XPOT: variants seen among roughly 807,000 people sequenced by gnomAD.
XPOT encodes the protein exportin-T.
Under a neutral mutation model 128.2 loss-of-function variants are expected in XPOT, and 34 were observed. The ratio of observed to expected loss-of-function variants is 0.27; its 90% confidence interval spans 0.20 to 0.35. The LOEUF (loss-of-function observed/expected upper bound fraction) is 0.35, where lower values mean the gene tolerates loss of function less well. Among genes scored for constraint, XPOT ranks in the 10% least tolerant of loss-of-function variants. The probability of loss-of-function intolerance (pLI) is 1.00; values close to 1 mark genes in which losing one functional copy is unlikely to be tolerated. For synonymous variants in XPOT, 348 were observed against 394.3 expected, an observed-to-expected ratio of 0.88 and a Z score of 1.39; for missense variants, 838 against 1,125.3, an observed-to-expected ratio of 0.74 and a Z score of 3.65.
Position 64,415,626 on chromosome 12 carries a change from G to A in XPOT, c.143+637G>A, listed in dbSNP as rs559221782. On this transcript the variant is annotated intron_variant, in intron 3 of 24. Coordinates refer to ENST00000332707, the MANE Select transcript of XPOT (RefSeq NM_007235.6). Reference sequence around the variant, plus strand: ...GATCTCCTGACCTTGTGATCCGCCCGTCTCGGCCTTCCAAAGTGCTGGGAT... The same window carrying A: ...GATCTCCTGACCTTGTGATCCGCCCATCTCGGCCTTCCAAAGTGCTGGGAT... Among the ~76,000 whole-genome samples the A allele has an allele frequency of 3.4e-4, 51 of 152,194 alleles. 1 individual carries two copies. The highest frequency in any genetic ancestry group is 1.2e-3 in the Admixed American group (19 of 15,288).
intron 20 of XPOT, 42 bp from the exon 21 acceptor site, chr12:64,434,752 T>C (rs779855180): frequency 6.3e-7 from 1 of 1,589,790 alleles, no homozygotes; most frequent in South Asian, 1.1e-5. Flanking sequence ...ATTAATTGAC[T>C]TACTTTTATA....
chr12:64,415,367 T>TTTA (rs774271753), intron 3 of XPOT, among the ~76,000 whole-genome samples: 2 of 151,152 alleles, frequency 1.3e-5, no homozygotes, highest in South Asian at 4.2e-4. Context: ...ATTTATTTAT[T>TTTA]TTATTATTAT....
intron 2 of XPOT, among the ~76,000 whole-genome samples, chr12:64,410,346 T>C (rs569052227): frequency 6.6e-6 from 1 of 152,360 alleles, no homozygotes; most frequent in South Asian, 2.1e-4. Flanking sequence ...CATCAGTCAT[T>C]ATTTCTAATT....
intron 24 of XPOT, among the ~76,000 whole-genome samples, chr12:64,447,721 G>C (rs899319780): frequency 6.6e-6 from 1 of 151,966 alleles, no homozygotes; most frequent in Non-Finnish European, 1.5e-5. Context: ...TTCAGGCCTC[G>C]GCCTCCCAAA....
In XPOT at chr12:64,428,117, A is replaced by C. The variant is rs1161243006; in HGVS notation, c.1734A>C (p.Pro578=). ...TACAAGATTTATTAGAGCTTTCTCC[A>C]CCTGTAAGTATCTGTCTCTTTAAGA... ...NRIQDLLELS[P]PENGHQSLLS... The change falls in exon 16 of 25, where the codon CCA becomes CCC. Residue 578 remains proline, a synonymous_variant. Coordinates refer to ENST00000332707, the MANE Select transcript of XPOT (RefSeq NM_007235.6). 1.9e-6 allele frequency: 3 copies of C among 1,541,740 alleles called. No individual in the cohort carries two copies. The highest frequency in any genetic ancestry group is 2.7e-6 in the Non-Finnish European group (3 of 1,117,130).
intron 19 of XPOT, 87 bp from the exon 20 acceptor site, chr12:64,434,420 A>G: frequency 1.2e-6 from 1 of 817,588 alleles, no homozygotes; most frequent in African/African-American, 1.7e-5. Context: ...ATGATTTTTG[A>G]CTTGTTAATG....
At chr12:64,416,445 G>A (rs2040088146) in intron 3 of XPOT, among the ~76,000 whole-genome samples, 2 of 152,154 alleles carry the variant, frequency 1.3e-5, no homozygotes, top group African/African-American at 2.4e-5. Flanking sequence ...TGTATTCAAG[G>A]TGCATCTTAA....
rs1186115218 is a variant in XPOT at position 64,450,898 on chromosome 12, T to C, written c.*2767T>C. 11 of 152,246 alleles carry C rather than the reference T, an allele frequency of 7.2e-5. No individual in the cohort carries two copies. The highest frequency in any genetic ancestry group is 6.5e-4 in the Admixed American group (10 of 15,288). 9.4% of individuals were successfully genotyped at this position (152,246 alleles called of 1,614,324 possible). A position where few individuals can be genotyped will look rare whatever the true frequency, so the allele number is the denominator to read the frequency against. On this transcript the variant is annotated 3_prime_UTR_variant, in exon 25 of 25. Transcript: ENST00000332707. ...AAGAAAACACTGTGTGGTATTTTAA[T>C]GTGGTAAACATGTGAATGAAGGCCT...
intron 2 of XPOT, among the ~76,000 whole-genome samples, chr12:64,410,786 T>C (rs1289235946): frequency 6.6e-6 from 1 of 152,162 alleles, no homozygotes; most frequent in Non-Finnish European, 1.5e-5. Context: ...AGCCTACAAC[T>C]ATAATCATGA....
rs1231179419 is a variant in XPOT, at chr12:64,410,093, A to C, written c.58A>C (p.Arg20=). The C allele has an allele frequency of 1.2e-6, 2 of 1,613,540 alleles. No homozygotes were observed. Among genetic ancestry groups the C allele is most frequent in the Non-Finnish European group, 1.7e-6 (2 of 1,179,870 alleles). The part of the protein sequence containing the change: ...NPNADSDFRQ[R]ALAYFEQLKI... ...AAATGCTGATTCAGACTTTAGACAA[A>C]GGGTAAGTTACTCTGCTGAATCATT... The change falls in exon 2 of 25, where the codon AGG becomes CGG. Residue 20 remains arginine, a splice_region_variant and synonymous_variant. Transcript: ENST00000332707.
intron 18 of XPOT, among the ~76,000 whole-genome samples, chr12:64,432,053 T>C (rs923781262): frequency 6.6e-6 from 1 of 152,154 alleles, no homozygotes; most frequent in Non-Finnish European, 1.5e-5. Flanking sequence ...CCGCTTTGTG[T>C]AGCAAAAGAA....
chr12:64,438,913 G>A (rs957739128), intron 22 of XPOT, among the ~76,000 whole-genome samples: 1 of 152,168 alleles, frequency 6.6e-6, no homozygotes, highest in African/African-American at 2.4e-5. Context: ...ACAGGCATGA[G>A]CCACTGCACC....
At chr12:64,438,566 A>G (rs2040300573) in intron 22 of XPOT, among the ~76,000 whole-genome samples, 1 of 152,170 alleles carries the variant, frequency 6.6e-6, no homozygotes, top group East Asian at 1.9e-4. Context: ...CAGAAGCACT[A>G]ATATTAAACA....
rs58914823 is a variant in XPOT, at chr12:64,437,184, G to A, written c.2733+1510G>A. ...TTCTATACTTGCTACCTGCTAGGGT[G>A]GGGTAGGTGTGTGTTTAGGGACAGC... is the stretch of plus-strand genomic sequence containing the variant. On this transcript the variant is annotated intron_variant, in intron 22 of 24. Coordinates refer to ENST00000332707, the MANE Select transcript of XPOT (RefSeq NM_007235.6). 7.8e-3 allele frequency among the ~76,000 whole-genome samples: 1,185 copies of A among 152,274 alleles called. 15 individuals are homozygous for A. The highest frequency in any genetic ancestry group is 0.027 in the African/African-American group (1,119 of 41,546).
chr12:64,416,789 C>A (rs753108141), intron 4 of XPOT, 35 bp downstream of exon 4: 1 of 1,543,018 alleles, frequency 6.5e-7, no homozygotes, highest in Non-Finnish European at 8.9e-7. Context: ...CTCAGATTTG[C>A]GGGGAGAGGT....
intron 1 of XPOT, among the ~76,000 whole-genome samples, chr12:64,407,499 A>AT (rs2136007514): frequency 6.6e-6 from 1 of 151,798 alleles, no homozygotes; most frequent in Admixed American, 6.6e-5. Context: ...AAAAAAAAAA[A>AT]GATTAATGAG....
chr12:64,411,247 C>T (rs2136011335), intron 2 of XPOT, among the ~76,000 whole-genome samples: 1 of 152,320 alleles, frequency 6.6e-6, no homozygotes, highest in South Asian at 2.1e-4. Context: ...ATGCTACCTA[C>T]CTTCAAACAT....
chr12:64,425,872 A>G lies in XPOT; in HGVS notation c.1630A>G (p.Thr544Ala), dbSNP rs2040188118. The change falls in exon 15 of 25, where the codon ACG becomes GCG. Residue 544 changes from threonine (T) to alanine (A), a missense_variant. Physicochemically the swap from Thr to Ala is moderately conservative, Grantham distance 58. Transcript: ENST00000332707. ...RHSSAKVRSR[T>A]AYLFSRFVKS... is the part of the protein sequence containing the mutation. ...TTCCAGTGCAAAAGTTCGGAGCAGG[A>G]CGGCTTACCTGTTTTCTAGATTTGT... 1.2e-6 allele frequency: 2 copies of G among 1,614,062 alleles called. No individual in the cohort carries two copies. Among genetic ancestry groups the G allele is most frequent in the Admixed American group, 3.3e-5 (2 of 59,998 alleles).
chr12:64,420,188 G>A lies in XPOT; in HGVS notation c.608G>A (p.Cys203Tyr). Reference protein sequence around the residue: ...NYQFTNSEVTCQCLEVVGAYV... With the variant: ...NYQFTNSEVTYQCLEVVGAYV... ...CAGTTTACTAATTCTGAAGTGACGTGTCAGTGCCTTGAAGTAGTTGGGGCT... is the reference window on the plus strand; with the variant it reads ...CAGTTTACTAATTCTGAAGTGACGTATCAGTGCCTTGAAGTAGTTGGGGCT... Residue 203 changes from cysteine (C) to tyrosine (Y), a missense_variant, in exon 7 of 25, where the codon TGT (cysteine) becomes TAT (tyrosine). Around this residue, in one of 3 missense-constraint regions of XPOT, gnomAD observed 761 missense variants for 988.3 expected, o/e 0.77. Coordinates refer to ENST00000332707, the MANE Select transcript of XPOT (RefSeq NM_007235.6). 1.9e-6 allele frequency: 3 copies of A among 1,612,542 alleles called. No homozygotes were observed. The highest frequency in any genetic ancestry group is 1.7e-6 in the Non-Finnish European group (2 of 1,179,504).
Sources: gnomAD v4.1 joint callset for allele counts (sites outside exome capture counted in the v4.1 genomes callset) on GRCh38, gnomAD v4.1.1 for gene constraint, gnomAD v4.1.1 regional missense constraint, MANE v1.5 for transcripts, NCBI Gene and HGNC (gene_info 2026-07-23, HGNC 2026-07-21) for gene names.